The following NFIA variants were observed in gnomAD, a reference collection of about 807,000 sequenced individuals.
NFIA encodes nuclear factor 1 A-type.
Under a neutral mutation model 62.8 loss-of-function variants are expected in NFIA, and 8 were observed. The ratio of observed to expected loss-of-function variants is 0.13; its 90% confidence interval spans 0.07 to 0.23. The LOEUF (loss-of-function observed/expected upper bound fraction) is 0.23, where lower values mean the gene tolerates loss of function less well. Ranked by LOEUF, NFIA falls within the 10% of genes least tolerant of loss-of-function variation. The pLI is 1.00. For missense variants in NFIA, 410 were observed against 642.1 expected (o/e 0.64, Z 3.91); for synonymous variants, 235 against 238.1 (o/e 0.99, Z 0.12).
At chr1:61,331,375 A>C (rs1234054886) in intron 3 of NFIA, among the ~76,000 whole-genome samples, 5 of 152,212 alleles carry the variant, frequency 3.3e-5, no homozygotes, top group African/African-American at 1.2e-4. Context: ...TATGTGTATG[A>C]CATTTAGTAA....
intron 3 of NFIA, among the ~76,000 whole-genome samples, chr1:61,280,108 T>C (rs1461469773): frequency 1.3e-5 from 2 of 152,248 alleles, no homozygotes; most frequent in Non-Finnish European, 2.9e-5. Context: ...CTGCCTCTTG[T>C]CAATCTCAGA....
intron 2 of NFIA, among the ~76,000 whole-genome samples, chr1:61,208,066 G>T (rs1653014063): frequency 6.8e-6 from 1 of 147,350 alleles, no homozygotes; most frequent in African/African-American, 2.5e-5. Flanking sequence ...TTTAAAAAGT[G>T]AGAACTCCCA....
At chr1:61,161,630 C>T (rs1264597950) in intron 2 of NFIA, among the ~76,000 whole-genome samples, 1 of 151,988 alleles carries the variant, frequency 6.6e-6, no homozygotes, top group Non-Finnish European at 1.5e-5. Context: ...CGCAGACAGT[C>T]TCTGACTTTC....
chr1:61,192,537 T>C (rs1651709172), intron 2 of NFIA, among the ~76,000 whole-genome samples: 1 of 131,694 alleles, frequency 7.6e-6, no homozygotes, highest in Non-Finnish European at 1.6e-5. Context: ...CCATGACTAC[T>C]AAAAATACAA....
intron 2 of NFIA, among the ~76,000 whole-genome samples, chr1:61,213,857 C>A (rs896304211): frequency 2.0e-5 from 3 of 152,190 alleles, no homozygotes; most frequent in African/African-American, 7.2e-5. Context: ...CCTACACTCC[C>A]CGACCTCACC....
chr1:61,237,781 C>T (rs1294863479), intron 2 of NFIA, among the ~76,000 whole-genome samples: 1 of 152,082 alleles, frequency 6.6e-6, no homozygotes, highest in African/African-American at 2.4e-5. Context: ...CTCAGCTTTC[C>T]CAGATATAAA....
chr1:61,394,560 A>G (rs982945443), intron 7 of NFIA, among the ~76,000 whole-genome samples: 1 of 152,206 alleles, frequency 6.6e-6, no homozygotes, highest in Admixed American at 6.5e-5. Flanking sequence ...AGATTAACAC[A>G]GGGAGTGAAT....
At chr1:61,260,868 C>T (rs1656729180) in intron 2 of NFIA, among the ~76,000 whole-genome samples, 1 of 152,232 alleles carries the variant, frequency 6.6e-6, no homozygotes, top group Non-Finnish European at 1.5e-5. Flanking sequence ...GCGTGAGCCC[C>T]TGCGCCCGGC....
intron 2 of NFIA, among the ~76,000 whole-genome samples, chr1:61,149,289 A>G (rs569107939): frequency 6.6e-6 from 1 of 152,160 alleles, no homozygotes; most frequent in Admixed American, 6.5e-5. Context: ...TAAATGAACC[A>G]AGTTTGTTTT....
intron 2 of NFIA, among the ~76,000 whole-genome samples, chr1:61,260,516 A>T (rs549074730): frequency 2.0e-5 from 3 of 152,352 alleles, no homozygotes; most frequent in Admixed American, 1.3e-4. Context: ...TACATGCTCA[A>T]TAAATATTTG....
chr1:61,455,466 A>T lies in NFIA; in HGVS notation c.*146A>T. The T allele has an allele frequency of 7.4e-7, 1 of 1,349,020 alleles. No individual in the cohort carries two copies. The highest frequency in any genetic ancestry group is 1.0e-6 in the Non-Finnish European group (1 of 955,214). 83.6% of individuals were successfully genotyped at this position (1,349,020 alleles called of 1,614,324 possible). ...CCGATTCAAATCAACTTGTACATGGAAACAGCAAGCATTATGGTCAAACAG... is the reference window on the plus strand; with the variant it reads ...CCGATTCAAATCAACTTGTACATGGTAACAGCAAGCATTATGGTCAAACAG... On this transcript the variant is annotated 3_prime_UTR_variant, in exon 11 of 11. Coordinates refer to ENST00000403491, the MANE Select transcript of NFIA (RefSeq NM_001134673.4).
intron 2 of NFIA, among the ~76,000 whole-genome samples, chr1:61,122,632 A>C (rs1044154515): frequency 6.6e-6 from 1 of 152,156 alleles, no homozygotes; most frequent in African/African-American, 2.4e-5. Flanking sequence ...GCCTTAATAA[A>C]GTTTTAACCT....
intron 6 of NFIA, among the ~76,000 whole-genome samples, chr1:61,379,402 C>CTTTTTTTTTTTTTTT (rs60735193): frequency 1.0e-5 from 1 of 98,264 alleles, no homozygotes; most frequent in African/African-American, 4.0e-5. Flanking sequence ...TTTTCTTTTT[C>CTTTTTTTTTTTTTTT]TTTTTTTTTT....
chr1:61,245,117 G>A (rs1303618459), intron 2 of NFIA, among the ~76,000 whole-genome samples: 1 of 152,148 alleles, frequency 6.6e-6, no homozygotes, highest in Non-Finnish European at 1.5e-5. Flanking sequence ...GGCATTTCAT[G>A]CATTAGTATG....
chr1:61,231,173 G>A (rs750772797), intron 2 of NFIA, among the ~76,000 whole-genome samples: 4 of 152,130 alleles, frequency 2.6e-5, no homozygotes, highest in Non-Finnish European at 5.9e-5. Context: ...ATGAAGTTCT[G>A]TGTTTCTGAG....
Position 61,462,008 on chromosome 1 carries a change from AAGTT to A in NFIA, c.*6691_*6694del, listed in dbSNP as rs1668549439. The A allele has an allele frequency of 3.0e-5, 4 of 135,550 alleles. No individual in the cohort carries two copies. The highest frequency in any genetic ancestry group is 8.5e-5 in the African/African-American group (3 of 35,170). 8.4% of individuals were successfully genotyped at this position (135,550 alleles called of 1,614,324 possible). On this transcript the variant is annotated 3_prime_UTR_variant, in exon 11 of 11. Coordinates refer to ENST00000403491, the MANE Select transcript of NFIA (RefSeq NM_001134673.4). ...TTTTTATTTTTTGATAATAGTCTGT[AAGTT>A]AGCCTTTTTGGGTTTTTTTTTTTTT...
chr1:61,355,756 A>G (rs899239082), intron 5 of NFIA, among the ~76,000 whole-genome samples: 43 of 149,442 alleles, frequency 2.9e-4, no homozygotes, highest in Non-Finnish European at 9.0e-5. Flanking sequence ...GATTTAAAAA[A>G]TATTTTTTTT....
intron 2 of NFIA, among the ~76,000 whole-genome samples, chr1:61,173,980 G>GT (rs1343659413): frequency 6.6e-6 from 1 of 152,192 alleles, no homozygotes; most frequent in East Asian, 1.9e-4. Flanking sequence ...CTGTGTTAGG[G>GT]AAAAGTGAAT....
intron 9 of NFIA, among the ~76,000 whole-genome samples, chr1:61,419,206 G>A (rs1019963371): frequency 6.6e-6 from 1 of 152,156 alleles, no homozygotes; most frequent in African/African-American, 2.4e-5. Context: ...ACTTTGGGAG[G>A]CCATCGCAGG....
Sources: gnomAD v4.1 joint callset for allele counts (sites outside exome capture counted in the v4.1 genomes callset) on GRCh38, gnomAD v4.1.1 for gene constraint, MANE v1.5 for transcripts, NCBI Gene and HGNC (gene_info 2026-07-23, HGNC 2026-07-21) for gene names.